The following ABCC1 variants were observed in gnomAD, a reference collection of about 807,000 sequenced individuals.
The protein encoded by ABCC1 is multidrug resistance-associated protein 1.
A neutral mutation model predicts 172.9 loss-of-function variants in ABCC1; 83 were observed. The ratio of observed to expected loss-of-function variants is 0.48; its 90% CI spans 0.40 to 0.58. The LOEUF (loss-of-function observed/expected upper bound fraction) is 0.58. Among genes scored for constraint, ABCC1 ranks in the 20% least tolerant of loss-of-function variants. The pLI is 0.00. For synonymous variants in ABCC1, 937 were observed against 825.2 expected (o/e 1.14, Z -2.32); for missense variants, 1,817 against 2,002.7 (o/e 0.91, Z 1.77).
intron 1 of ABCC1, among the ~76,000 whole-genome samples, chr16:15,969,807 C>G (rs974472289): frequency 1.4e-4 from 21 of 151,994 alleles, no homozygotes; most frequent in African/African-American, 5.1e-4. Context: ...GGGTCAGTGC[C>G]CATGAATGGG....
chr16:15,952,529 A>G (rs1416968252), intron 1 of ABCC1, among the ~76,000 whole-genome samples: 2 of 152,010 alleles, frequency 1.3e-5, no homozygotes, highest in African/African-American at 2.4e-5. Flanking sequence ...ACCTTTACTC[A>G]GACAGATGCT....
Position 16,111,449 on chromosome 16 carries a change from C to T in ABCC1, c.2946C>T (p.Phe982=), listed in dbSNP as rs376870080. The T allele has an allele frequency of 6.8e-6, 11 of 1,614,056 alleles. No individual in the cohort carries two copies. In the African/African-American group the frequency reaches 1.5e-4, roughly 22 times the overall value. ...LFISFLSIFL[F]MCNHVSALAS... is the part of the protein sequence containing the mutation. Reference sequence around the variant, plus strand: ...TCTCCTTCCTCAGCATCTTCCTTTTCATGTGTAACCATGTGTCCGCGCTGG... The same window carrying T: ...TCTCCTTCCTCAGCATCTTCCTTTTTATGTGTAACCATGTGTCCGCGCTGG... The change falls in exon 22 of 31, where the codon TTC becomes TTT. Residue 982 remains phenylalanine, a synonymous_variant. Transcript: ENST00000399410.
rs151205139 is a variant in ABCC1, at chr16:16,128,780, C to G, written c.3819+2869C>G. Among the ~76,000 whole-genome samples the G allele has an allele frequency of 3.3e-3, 504 of 152,270 alleles. 5 individuals are homozygous for G. The highest frequency in any genetic ancestry group is 0.012 in the African/African-American group (489 of 41,558). ...TTGAGAGGCCAAGGTGGGTGGATCA[C>G]TTGAAGCCAGGAGTTCGAGACCAGC... is the stretch of plus-strand genomic sequence containing the variant. On this transcript the variant is annotated intron_variant, in intron 26 of 30. Coordinates refer to ENST00000399410, the MANE Select transcript of ABCC1 (RefSeq NM_004996.4).
intron 3 of ABCC1, among the ~76,000 whole-genome samples, chr16:16,011,116 C>T (rs1231647632): frequency 1.3e-5 from 2 of 152,144 alleles, no homozygotes; most frequent in East Asian, 3.9e-4. Flanking sequence ...GCCTGTAGTC[C>T]TAGCTACTCA....
At chr16:16,085,303 T>C (rs985615786) in intron 17 of ABCC1, among the ~76,000 whole-genome samples, 1 of 152,202 alleles carries the variant, frequency 6.6e-6, no homozygotes, top group South Asian at 2.1e-4. Flanking sequence ...CCCTGCTGCT[T>C]GCCTGGCCAC....
chr16:16,128,769 T>G (rs1470746351), intron 26 of ABCC1, among the ~76,000 whole-genome samples: 4 of 151,830 alleles, frequency 2.6e-5, no homozygotes, highest in Non-Finnish European at 5.9e-5. Flanking sequence ...GAGGCCAAGG[T>G]GGGTGGATCA....
chr16:16,090,354 G>A (rs1053287832), intron 18 of ABCC1, 51 bp from the exon 19 acceptor site: 4 of 1,494,188 alleles, frequency 2.7e-6, no homozygotes, highest in Non-Finnish European at 3.6e-6. Flanking sequence ...GCCAAGCTAG[G>A]CAGTCTCACA....
intron 19 of ABCC1, 76 bp from the exon 20 acceptor site, chr16:16,102,551 G>A: frequency 1.5e-6 from 2 of 1,377,430 alleles, no homozygotes; most frequent in South Asian, 2.5e-5. Flanking sequence ...CACTGAAGTG[G>A]CCGGTTTTTG....
intron 5 of ABCC1, among the ~76,000 whole-genome samples, chr16:16,023,414 T>C (rs152033): frequency 0.86 from 130,190 of 152,156 alleles, 56,096 homozygotes; most frequent in Non-Finnish European, 0.9. Context: ...TGTCAAGATA[T>C]AGAACACTGC....
At chr16:15,966,651 CT>C (rs34159339) in intron 1 of ABCC1, among the ~76,000 whole-genome samples, 132 of 138,600 alleles carry the variant, frequency 9.5e-4, no homozygotes, top group Middle Eastern at 3.8e-3. Flanking sequence ...TTCTCTCTCT[CT>C]TTTTTTTTTT....
At chr16:16,049,819 G>T (rs1350676505) in intron 10 of ABCC1, among the ~76,000 whole-genome samples, 1 of 151,934 alleles carries the variant, frequency 6.6e-6, no homozygotes, top group Non-Finnish European at 1.5e-5. Context: ...GAGTAGCTGG[G>T]ACTACAGGCT....
chr16:16,093,706 A>C (rs918230218), intron 19 of ABCC1, among the ~76,000 whole-genome samples: 5 of 152,210 alleles, frequency 3.3e-5, no homozygotes, highest in Non-Finnish European at 7.3e-5. Flanking sequence ...AGCCTTAGCC[A>C]ACTCGAAGCG....
At chr16:16,046,695 A>T (rs184961186) in intron 9 of ABCC1, among the ~76,000 whole-genome samples, 26 of 152,168 alleles carry the variant, frequency 1.7e-4, no homozygotes, top group African/African-American at 5.5e-4. Context: ...CTTGCATGGT[A>T]AGAGTATGTA....
chr16:16,139,249 G>A (rs1226462275), intron 30 of ABCC1, among the ~76,000 whole-genome samples: 1 of 152,294 alleles, frequency 6.6e-6, no homozygotes, highest in East Asian at 1.9e-4. Context: ...GCTGGGCAGG[G>A]CCACTGTTTC....
chr16:16,070,893 A>ATGTCTAAGCAAACTT (rs1186361730), intron 13 of ABCC1, among the ~76,000 whole-genome samples: 1 of 152,160 alleles, frequency 6.6e-6, no homozygotes, highest in Non-Finnish European at 1.5e-5. Context: ...ATAATGTAAT[A>ATGTCTAAGCAAACTT]CCATCATCAT....
chr16:16,065,085 G>A (rs2050063097), intron 12 of ABCC1, among the ~76,000 whole-genome samples: 2 of 152,182 alleles, frequency 1.3e-5, no homozygotes, highest in South Asian at 4.1e-4. Flanking sequence ...GCATTACTGT[G>A]CCCATTCATA....
chr16:16,001,844 G>A (rs558729934), intron 1 of ABCC1, among the ~76,000 whole-genome samples: 9 of 152,248 alleles, frequency 5.9e-5, no homozygotes, highest in Admixed American at 2.6e-4. Flanking sequence ...CTGTCTAAAT[G>A]TTACTGTAGG....
intron 18 of ABCC1, among the ~76,000 whole-genome samples, chr16:16,087,554 T>A (rs1191310151): frequency 6.6e-6 from 1 of 152,062 alleles, no homozygotes; most frequent in Non-Finnish European, 1.5e-5. Flanking sequence ...GCATCTCGGG[T>A]TCAAGCACTT....
At chr16:15,973,285 G>T (rs1042303642) in intron 1 of ABCC1, among the ~76,000 whole-genome samples, 2 of 152,054 alleles carry the variant, frequency 1.3e-5, no homozygotes, top group Non-Finnish European at 2.9e-5. Context: ...ATTATCAGTG[G>T]TTCTTAACTC....
Sources: allele counts gnomAD v4.1 joint callset (sites outside exome capture counted in the v4.1 genomes callset), GRCh38; gene constraint gnomAD v4.1.1; transcripts MANE v1.5; gene names NCBI Gene and HGNC (gene_info 2026-07-23, HGNC 2026-07-21).